SGCZ: variants seen among roughly 807,000 people sequenced by gnomAD.
SGCZ encodes zeta-sarcoglycan.
In SGCZ, 40 loss-of-function variants were observed where a neutral mutation model predicts 41.3. The observed-to-expected ratio is 0.97, with a 90% CI of 0.75 to 1.26. The LOEUF is 1.26. SGCZ is among the 50% of genes most tolerant of loss of function. SGCZ has a pLI of 0.00. For missense variants in SGCZ, 552 were observed against 369.8 expected (o/e 1.49, Z -4.04); for synonymous variants, 206 against 137.5 (o/e 1.50, Z -3.49).
intron 3 of SGCZ, among the ~76,000 whole-genome samples, chr8:14,316,908 C>G (rs147764083): frequency 6.9e-4 from 105 of 151,620 alleles, no homozygotes; most frequent in African/African-American, 2.5e-3. Flanking sequence ...GCATGCTCAT[C>G]TAACAGACAA....
intron 1 of SGCZ, among the ~76,000 whole-genome samples, chr8:14,950,425 T>C (rs1800595873): frequency 6.6e-6 from 1 of 151,912 alleles, no homozygotes; most frequent in Non-Finnish European, 1.5e-5. Flanking sequence ...CTCCTCTTTC[T>C]CCCTTCCCTT....
intron 2 of SGCZ, among the ~76,000 whole-genome samples, chr8:14,421,292 A>G (rs1346243708): frequency 6.6e-6 from 1 of 152,072 alleles, no homozygotes; most frequent in East Asian, 1.9e-4. Flanking sequence ...CTCTTCCTTT[A>G]GTCTTCCTTC....
intron 5 of SGCZ, among the ~76,000 whole-genome samples, chr8:14,121,886 T>C (rs1802707465): frequency 6.6e-6 from 1 of 152,198 alleles, no homozygotes; most frequent in African/African-American, 2.4e-5. Context: ...TTAAAAATTT[T>C]TTATTATGTC....
chr8:14,935,261 A>G (rs1292394002), intron 1 of SGCZ, among the ~76,000 whole-genome samples: 2 of 151,792 alleles, frequency 1.3e-5, no homozygotes, highest in African/African-American at 2.4e-5. Context: ...TATACATGGT[A>G]TCACATGTAT....
Position 15,110,470 on chromosome 8 carries a change from T to C in SGCZ, c.39+127115A>G, listed in dbSNP as rs943280959. ...TTAAATTACATGGTTTCTAGCAAGA[T>C]AGCCAGAGAGCCTTCAGTTACTTTT... On this transcript the variant is annotated intron_variant, in intron 1 of 7. Transcript: ENST00000382080. Among the ~76,000 whole-genome samples, 7 of 152,346 alleles carry C rather than the reference T, an allele frequency of 4.6e-5. 1 individual carries two copies. Among genetic ancestry groups the C allele is most frequent in the Admixed American group, 1.3e-4 (2 of 15,306 alleles).
Position 14,589,898 on chromosome 8 carries a change from A to T in SGCZ, c.40-34972T>A, listed in dbSNP as rs115676002. 2.0e-3 allele frequency among the ~76,000 whole-genome samples: 304 copies of T among 152,306 alleles called. 1 individual carries two copies. Among genetic ancestry groups the T allele is most frequent in the African/African-American group, 5.3e-3 (220 of 41,568 alleles). On this transcript the variant is annotated intron_variant, in intron 1 of 7. Coordinates refer to ENST00000382080, the MANE Select transcript of SGCZ (RefSeq NM_139167.4). ...ATATGGCACTGACAGAATTTGAAAC[A>T]AACTTCTTAGTCCAGGTTTCTTTAT...
intron 5 of SGCZ, among the ~76,000 whole-genome samples, chr8:14,121,081 T>C (rs906633245): frequency 6.6e-6 from 1 of 152,116 alleles, no homozygotes; most frequent in Non-Finnish European, 1.5e-5. Flanking sequence ...AATAGAGAAA[T>C]AGCCTAACGG....
intron 1 of SGCZ, among the ~76,000 whole-genome samples, chr8:14,714,918 T>C (rs756030734): frequency 6.6e-6 from 1 of 152,158 alleles, no homozygotes; most frequent in Non-Finnish European, 1.5e-5. Flanking sequence ...TGTGAGACTT[T>C]CTTTTAGAGA....
intron 1 of SGCZ, among the ~76,000 whole-genome samples, chr8:15,126,186 G>T (rs1422904385): frequency 1.3e-5 from 2 of 152,088 alleles, no homozygotes; most frequent in African/African-American, 4.8e-5. Flanking sequence ...ATGATTGACT[G>T]AAGTAGATGA....
intron 2 of SGCZ, among the ~76,000 whole-genome samples, chr8:14,360,457 C>G (rs1803470574): frequency 6.6e-6 from 1 of 151,876 alleles, no homozygotes; most frequent in African/African-American, 2.4e-5. Flanking sequence ...TCCTGAGCAG[C>G]TGGGATTACA....
intron 1 of SGCZ, among the ~76,000 whole-genome samples, chr8:15,219,803 C>G: frequency 6.6e-6 from 1 of 152,096 alleles, no homozygotes; most frequent in East Asian, 1.9e-4. Flanking sequence ...AGCAGTGAGA[C>G]CAGTTTTCCA....
At chr8:14,310,288 A>T (rs1158497493) in intron 3 of SGCZ, among the ~76,000 whole-genome samples, 3 of 152,150 alleles carry the variant, frequency 2.0e-5, no homozygotes, top group Non-Finnish European at 4.4e-5. Context: ...TGAAGGATCC[A>T]GGAATATGAC....
At chr8:14,210,048 T>C (rs1187857909) in intron 4 of SGCZ, among the ~76,000 whole-genome samples, 1 of 151,842 alleles carries the variant, frequency 6.6e-6, no homozygotes, top group Non-Finnish European at 1.5e-5. Context: ...CTATTAAGTT[T>C]TGTTTGTTTG....
At chr8:15,084,001 A>T (rs1179421941) in intron 1 of SGCZ, among the ~76,000 whole-genome samples, 4 of 152,176 alleles carry the variant, frequency 2.6e-5, no homozygotes, top group Non-Finnish European at 5.9e-5. Context: ...AAATTAATGT[A>T]CTCATCACAA....
chr8:15,050,521 G>C (rs147266846), intron 1 of SGCZ, among the ~76,000 whole-genome samples: 38 of 152,304 alleles, frequency 2.5e-4, no homozygotes, highest in African/African-American at 8.7e-4. Flanking sequence ...GACAACATGT[G>C]ACCCATGATG....
chr8:15,233,167 T>G (rs368175047), intron 1 of SGCZ, among the ~76,000 whole-genome samples: 42 of 151,898 alleles, frequency 2.8e-4, no homozygotes, highest in African/African-American at 9.4e-4. Flanking sequence ...AATGAATATA[T>G]AAGGCAGGCT....
At chr8:15,159,409 C>G (rs1563157249) in intron 1 of SGCZ, among the ~76,000 whole-genome samples, 1 of 152,154 alleles carries the variant, frequency 6.6e-6, no homozygotes, top group Non-Finnish European at 1.5e-5. Flanking sequence ...CATGGGAACT[C>G]TGACTTGAAA....
At chr8:14,775,823 G>A (rs1201556635) in intron 1 of SGCZ, among the ~76,000 whole-genome samples, 2 of 152,182 alleles carry the variant, frequency 1.3e-5, no homozygotes, top group Non-Finnish European at 2.9e-5. Flanking sequence ...AAAAATGGAA[G>A]AGCACAGGTG....
chr8:14,501,870 A>G (rs749379026), intron 2 of SGCZ, among the ~76,000 whole-genome samples: 2 of 152,090 alleles, frequency 1.3e-5, no homozygotes, highest in Non-Finnish European at 2.9e-5. Context: ...ACATTTGCCA[A>G]TATAATATCT....
Sources: allele counts gnomAD v4.1 joint callset (sites outside exome capture counted in the v4.1 genomes callset), GRCh38; gene constraint gnomAD v4.1.1; transcripts MANE v1.5; gene names NCBI Gene and HGNC (gene_info 2026-07-23, HGNC 2026-07-21).